TLK2: variants seen among roughly 807,000 people sequenced by gnomAD.
TLK2 encodes serine/threonine-protein kinase tousled-like 2.
Under a neutral mutation model 117.3 loss-of-function variants are expected in TLK2, and 6 were observed. The observed-to-expected ratio is 0.05, with a 90% confidence interval of 0.03 to 0.10. The LOEUF is 0.10. TLK2 is among the 10% of genes least tolerant of loss of function. The probability of loss-of-function intolerance (pLI) is 1.00; values close to 1 mark genes in which losing one functional copy is unlikely to be tolerated. For synonymous variants in TLK2, 257 were observed against 316.7 expected (o/e 0.81, Z 2.00); for missense variants, 299 against 901.2 (o/e 0.33, Z 8.56).
intron 20 of TLK2, among the ~76,000 whole-genome samples, chr17:62,607,698 G>A (rs1189607458): frequency 6.6e-6 from 1 of 151,984 alleles, no homozygotes; most frequent in Non-Finnish European, 1.5e-5. Context: ...TCTTAGGGCC[G>A]CATGTATCCC....
At chr17:62,590,997 A>G (rs1252450104) in intron 16 of TLK2, among the ~76,000 whole-genome samples, 1 of 152,214 alleles carries the variant, frequency 6.6e-6, no homozygotes, top group African/African-American at 2.4e-5. Flanking sequence ...CATACCTGTG[A>G]TCCCAGCACT....
At chr17:62,495,794 G>A (rs2073611878) in intron 2 of TLK2, among the ~76,000 whole-genome samples, 1 of 151,484 alleles carries the variant, frequency 6.6e-6, no homozygotes, top group Non-Finnish European at 1.5e-5. Context: ...GAGTAGCTCG[G>A]ATTATGGGCG....
At chr17:62,559,399 G>C (rs903276623) in intron 9 of TLK2, among the ~76,000 whole-genome samples, 2 of 147,024 alleles carry the variant, frequency 1.4e-5, no homozygotes. Flanking sequence ...TTTTTTTTGA[G>C]ATGAAGTCTT....
intron 2 of TLK2, among the ~76,000 whole-genome samples, chr17:62,488,630 T>G (rs1243257602): frequency 1.3e-5 from 2 of 152,164 alleles, no homozygotes; most frequent in African/African-American, 2.4e-5. Context: ...CTGAAGTGTT[T>G]TTCTGCCCCC....
intron 6 of TLK2, among the ~76,000 whole-genome samples, chr17:62,525,494 G>A (rs1172723269): frequency 6.6e-6 from 1 of 150,504 alleles, no homozygotes; most frequent in African/African-American, 2.4e-5. Context: ...TGTCACTCAG[G>A]CTAGAGTGCA....
upstream of TLK2, among the ~76,000 whole-genome samples, chr17:62,477,101 A>T (rs906521888): frequency 1.3e-5 from 2 of 151,830 alleles, no homozygotes; most frequent in Admixed American, 6.6e-5. Flanking sequence ...AAAAAAAAAA[A>T]ATTTTTTTTA....
chr17:62,564,365 G>A (rs1346155639), intron 10 of TLK2, among the ~76,000 whole-genome samples: 3 of 151,946 alleles, frequency 2.0e-5, no homozygotes, highest in Non-Finnish European at 4.4e-5. Context: ...GTGAAACCCC[G>A]TCTCTACTAA....
rs188987696 is a variant in TLK2 at position 62,560,521 on chromosome 17, G to A, written c.831+395G>A. On this transcript the variant is annotated intron_variant, in intron 10 of 21. Transcript: ENST00000346027. ...GAATAACTTATGTATATAATAATGTGATAATTAATGCTTTGTGCATTAAAA... is the reference window on the plus strand; with the variant it reads ...GAATAACTTATGTATATAATAATGTAATAATTAATGCTTTGTGCATTAAAA... Among the ~76,000 whole-genome samples, 75 of 139,526 alleles carry A rather than the reference G, an allele frequency of 5.4e-4. 1 individual carries two copies. The East Asian group carries it at 0.013, about 25-fold the overall frequency. The allele number at this position is 139,526 out of a possible 152,430, so 91.5% of individuals were successfully genotyped here. A position where few individuals can be genotyped will look rare whatever the true frequency, so the allele number is the denominator to read the frequency against.
At chr17:62,567,557 T>C (rs965508006) in intron 11 of TLK2, among the ~76,000 whole-genome samples, 11 of 152,192 alleles carry the variant, frequency 7.2e-5, no homozygotes, top group Non-Finnish European at 1.5e-4. Context: ...GTTCCTGAAA[T>C]TTTGCTTTAA....
At chr17:62,558,459 A>G (rs1231283190) in intron 9 of TLK2, among the ~76,000 whole-genome samples, 2 of 152,186 alleles carry the variant, frequency 1.3e-5, no homozygotes, top group Non-Finnish European at 2.9e-5. Context: ...CACGCTCACC[A>G]GCTGCCAGCT....
At chr17:62,527,709 G>A (rs1256661553) in intron 6 of TLK2, among the ~76,000 whole-genome samples, 3 of 151,108 alleles carry the variant, frequency 2.0e-5, no homozygotes, top group Non-Finnish European at 4.4e-5. Flanking sequence ...TTTTAATTTT[G>A]TACTATATAA....
intron 16 of TLK2, among the ~76,000 whole-genome samples, chr17:62,588,059 CGTATACATCTGT>C: frequency 7.7e-6 from 1 of 130,172 alleles, no homozygotes; most frequent in Admixed American, 7.7e-5. Context: ...ATAAAATATA[CGTATACATCTGT>C]ATATGTATAA....
intron 21 of TLK2, among the ~76,000 whole-genome samples, chr17:62,611,138 T>TA (rs1292396734): frequency 1.3e-5 from 2 of 152,092 alleles, no homozygotes; most frequent in Non-Finnish European, 1.5e-5. Context: ...ATCTTGTCTC[T>TA]AAAAAAAGTT....
intron 2 of TLK2, among the ~76,000 whole-genome samples, chr17:62,517,092 G>C (rs1308478397): frequency 2.0e-5 from 3 of 151,894 alleles, no homozygotes; most frequent in Non-Finnish European, 2.9e-5. Context: ...TTTTAGTAGA[G>C]GTTGGGTTCG....
At chr17:62,581,230 T>C (rs549020488) in intron 15 of TLK2, among the ~76,000 whole-genome samples, 133 of 152,268 alleles carry the variant, frequency 8.7e-4, no homozygotes, top group Admixed American at 1.8e-3. Flanking sequence ...CTCAAACTTA[T>C]GGGCTCAAGC....
chr17:62,533,832 T>G (rs2076928162), intron 6 of TLK2, among the ~76,000 whole-genome samples: 1 of 152,210 alleles, frequency 6.6e-6, no homozygotes, highest in African/African-American at 2.4e-5. Flanking sequence ...TAGAAAATTC[T>G]AAAAGCATTT....
chr17:62,589,167 A>G (rs373000645), intron 16 of TLK2, among the ~76,000 whole-genome samples: 1 of 152,292 alleles, frequency 6.6e-6, no homozygotes, highest in East Asian at 1.9e-4. Flanking sequence ...TATTTATATT[A>G]TAAAAACAAA....
chr17:62,564,605 G>T (rs1244470405), intron 10 of TLK2, among the ~76,000 whole-genome samples: 1 of 150,432 alleles, frequency 6.6e-6, no homozygotes, highest in Admixed American at 6.6e-5. Context: ...CTACTCAGGA[G>T]ACTGAGGCAG....
chr17:62,504,029 C>T (rs1274975011), intron 2 of TLK2, among the ~76,000 whole-genome samples: 8 of 152,156 alleles, frequency 5.3e-5, no homozygotes, highest in Non-Finnish European at 1.0e-4. Flanking sequence ...CCACCACGCT[C>T]GGCCAGTTAT....
Sources: allele counts gnomAD v4.1 joint callset (sites outside exome capture counted in the v4.1 genomes callset), GRCh38; gene constraint gnomAD v4.1.1; transcripts MANE v1.5; gene names NCBI Gene and HGNC (gene_info 2026-07-23, HGNC 2026-07-21).